ZNF831: variants seen among roughly 807,000 people sequenced by gnomAD.
The protein encoded by ZNF831 is zinc finger protein 831, also known as chromosome 20 open reading frame 174.
A neutral mutation model predicts 95.8 loss-of-function variants in ZNF831; 59 were observed. The observed-to-expected ratio is 0.62, with a 90% CI of 0.50 to 0.77. ZNF831 has a LOEUF of 0.77. Ranked by LOEUF, ZNF831 falls within the 30% of genes least tolerant of loss-of-function variation. ZNF831 has a pLI of 0.00. For synonymous variants in ZNF831, 961 were observed against 925.5 expected, an observed-to-expected ratio of 1.04 and a Z score of -0.70; for missense variants, 2,205 against 2,164.0, an observed-to-expected ratio of 1.02 and a Z score of -0.38.
chr20:59,225,903 G>T (rs1986393522), intron 4 of ZNF831, among the ~76,000 whole-genome samples: 1 of 152,230 alleles, frequency 6.6e-6, no homozygotes, highest in Non-Finnish European at 1.5e-5. Context: ...AAAGAGCCCA[G>T]GGTAGCTCCA....
rs1197360374 is a variant in ZNF831 at position 59,208,495 on chromosome 20, T to C, written c.4027+1439T>C. 6.6e-6 allele frequency among the ~76,000 whole-genome samples: 1 copy of C among 152,196 alleles called. No individual in the cohort carries two copies. The highest frequency in any genetic ancestry group is 2.4e-5 in the African/African-American group (1 of 41,452). On this transcript the variant is annotated intron_variant, in intron 4 of 5. Coordinates refer to ENST00000371030, the MANE Select transcript of ZNF831 (RefSeq NM_178457.3). This position sits in a 1 kb window ranked among gnomAD's most constrained non-coding sequence, Gnocchi z 4.2. ...CCCTGTGGATGCCCCTCGTCTCTCCTTAAGAGTTTTCCAATGTATAACCCA... is the reference window on the plus strand; with the variant it reads ...CCCTGTGGATGCCCCTCGTCTCTCCCTAAGAGTTTTCCAATGTATAACCCA...
chr20:59,202,904 TAA>T (rs1217800282), intron 3 of ZNF831, among the ~76,000 whole-genome samples: 2 of 152,264 alleles, frequency 1.3e-5, no homozygotes, highest in Admixed American at 6.5e-5. Flanking sequence ...AATTTAAATA[TAA>T]GTTTAAAAAA....
rs770873594 is a variant in ZNF831 at position 59,193,435 on chromosome 20, C to T, written c.2416C>T (p.Leu806=). 1 of 1,602,206 alleles carries T rather than the reference C, an allele frequency of 6.2e-7. No individual in the cohort carries two copies. The change falls in exon 2 of 6, where the codon CTG becomes TTG. Residue 806 remains leucine, a synonymous_variant. Transcript: ENST00000371030. The part of the protein sequence containing the change: ...QETCLWAQTV[L]RWPSRGSGED... Reference sequence around the variant, plus strand: ...GACCTGCCTGTGGGCCCAGACTGTCCTGAGATGGCCCAGCAGGGGCTCAGG... The same window carrying T: ...GACCTGCCTGTGGGCCCAGACTGTCTTGAGATGGCCCAGCAGGGGCTCAGG...
chr20:59,186,465 C>T (rs1427510999), intron 1 of ZNF831, among the ~76,000 whole-genome samples: 5 of 152,188 alleles, frequency 3.3e-5, no homozygotes, highest in Non-Finnish European at 7.3e-5. Flanking sequence ...CTGTGCTGGG[C>T]ACAGCACTTG....
intron 1 of ZNF831, among the ~76,000 whole-genome samples, chr20:59,171,105 C>T (rs1158830015): frequency 6.6e-6 from 1 of 152,168 alleles, no homozygotes; most frequent in East Asian, 1.9e-4. Context: ...TACTGCTGGG[C>T]TGAGGCTGCA....
Position 59,179,149 on chromosome 20 carries a change from A to G in ZNF831, c.-36-11835A>G, listed in dbSNP as rs550351990. Among the ~76,000 whole-genome samples the G allele has an allele frequency of 9.3e-4, 142 of 152,292 alleles. 1 individual carries two copies. The highest frequency in any genetic ancestry group is 1.9e-3 in the Non-Finnish European group (129 of 68,020). On this transcript the variant is annotated intron_variant, in intron 1 of 5. Coordinates refer to ENST00000371030, the MANE Select transcript of ZNF831 (RefSeq NM_178457.3). ...CATGGGAGGACCACAGTGGCTCAGG[A>G]CAGTGCAGCCCTGGGGCACCCACTG...
At chr20:59,219,912 G>A (rs62204015) in intron 4 of ZNF831, among the ~76,000 whole-genome samples, 14 of 152,094 alleles carry the variant, frequency 9.2e-5, no homozygotes, top group African/African-American at 3.4e-4. Flanking sequence ...TGGGTTCAGT[G>A]GGCAGGTGGG....
chr20:59,173,434 C>G (rs894504776), intron 1 of ZNF831, among the ~76,000 whole-genome samples: 1 of 152,124 alleles, frequency 6.6e-6, no homozygotes, highest in African/African-American at 2.4e-5. Context: ...ATTAATGGAC[C>G]TGAGCTTGTC....
intron 1 of ZNF831, among the ~76,000 whole-genome samples, chr20:59,175,594 C>T (rs1019103759): frequency 3.9e-5 from 6 of 151,906 alleles, no homozygotes; most frequent in Admixed American, 2.0e-4. Flanking sequence ...TCTATTATTT[C>T]CATGTAGTTC....
At chr20:59,151,963 G>A (rs957740140) in intron 2 of ZNF831, among the ~76,000 whole-genome samples, 1 of 152,188 alleles carries the variant, frequency 6.6e-6, no homozygotes, top group African/African-American at 2.4e-5. Flanking sequence ...CTCAGCCACA[G>A]GTTGTCTTTG....
chr20:59,177,976 C>T (rs962994832), intron 1 of ZNF831, among the ~76,000 whole-genome samples: 2 of 152,200 alleles, frequency 1.3e-5, no homozygotes, highest in African/African-American at 2.4e-5. Flanking sequence ...CTTCTCAGTA[C>T]CTCCAACTCA....
At position 59,194,565 on chromosome 20, in the gene ZNF831, G is replaced by T. The variant is rs764106008; in HGVS notation, c.3546G>T (p.Arg1182=). The change falls in exon 2 of 6, where the codon CGG becomes CGT. Residue 1182 remains arginine (R), a synonymous_variant. Coordinates refer to ENST00000371030, the MANE Select transcript of ZNF831 (RefSeq NM_178457.3). Reference sequence around the variant, plus strand: ...TTCCCTCACTGAAGGCTGAGCCGCGGCTCACGTGGTGTTGCCTGAGCCGCA... The same window carrying T: ...TTCCCTCACTGAAGGCTGAGCCGCGTCTCACGTGGTGTTGCCTGAGCCGCA... ...NPFPSLKAEP[R]LTWCCLSRSV... The T allele has an allele frequency of 6.2e-7, 1 of 1,607,070 alleles. No individual in the cohort carries two copies. The highest frequency in any genetic ancestry group is 1.7e-5 in the Admixed American group (1 of 59,332).
rs1300589217 is a variant in ZNF831 at position 59,193,292 on chromosome 20, G to C, written c.2273G>C (p.Gly758Ala). Reference sequence around the variant, plus strand: ...TCTCCAAATGGGAGGCTGGAACTGGGGTGGCAGATGCCCCCAGCACCTGGC... The same window carrying C: ...TCTCCAAATGGGAGGCTGGAACTGGCGTGGCAGATGCCCCCAGCACCTGGC... Reference protein sequence around the residue: ...LVSPNGRLELGWQMPPAPGPL... With the variant: ...LVSPNGRLELAWQMPPAPGPL... The change falls in exon 2 of 6, where the codon GGG (glycine) becomes GCG (alanine). Residue 758 changes from glycine (G) to alanine (A), a missense_variant. By Grantham distance (60) the Gly-to-Ala change is moderately conservative. Coordinates refer to ENST00000371030, the MANE Select transcript of ZNF831 (RefSeq NM_178457.3). 6.2e-7 allele frequency: 1 copy of C among 1,611,430 alleles called. No individual in the cohort carries two copies. Among genetic ancestry groups the C allele is most frequent in the Non-Finnish European group, 8.5e-7 (1 of 1,178,894 alleles).
At chr20:59,147,850 C>T (rs1033693016) in intron 2 of ZNF831, among the ~76,000 whole-genome samples, 22 of 152,220 alleles carry the variant, frequency 1.4e-4, no homozygotes, top group African/African-American at 5.1e-4. Flanking sequence ...GGCTGTAAAT[C>T]TGAAGAGCAG....
chr20:59,184,671 T>C (rs551918843), intron 1 of ZNF831, among the ~76,000 whole-genome samples: 1 of 152,212 alleles, frequency 6.6e-6, no homozygotes, highest in African/African-American at 2.4e-5. Context: ...ACACCAGCCA[T>C]CTTAGTACCC....
intron 1 of ZNF831, among the ~76,000 whole-genome samples, chr20:59,134,688 G>A (rs1158611803): frequency 3.3e-5 from 5 of 152,242 alleles, no homozygotes; most frequent in Non-Finnish European, 7.3e-5. Context: ...TAGACTGGCT[G>A]CGTGGTCCTT....
intron 4 of ZNF831, among the ~76,000 whole-genome samples, chr20:59,223,344 G>A (rs2146679238): frequency 6.6e-6 from 1 of 152,334 alleles, no homozygotes; most frequent in East Asian, 1.9e-4. Flanking sequence ...CGCTTGCCAA[G>A]TGTGTGCGAT....
intron 4 of ZNF831, among the ~76,000 whole-genome samples, chr20:59,243,236 C>T (rs908373076): frequency 2.0e-5 from 3 of 152,130 alleles, no homozygotes; most frequent in African/African-American, 7.2e-5. Flanking sequence ...CCCCCACTAA[C>T]ATAGTTTAGG....
intron 1 of ZNF831, among the ~76,000 whole-genome samples, chr20:59,171,546 G>A (rs990169148): frequency 6.6e-6 from 1 of 152,216 alleles, no homozygotes; most frequent in Non-Finnish European, 1.5e-5. Flanking sequence ...AGCAGATGCA[G>A]TCATTGTACT....
Sources: allele counts gnomAD v4.1 joint callset (sites outside exome capture counted in the v4.1 genomes callset), GRCh38; gene constraint gnomAD v4.1.1; non-coding constraint Gnocchi (gnomAD v3.1); transcripts MANE v1.5; gene names NCBI Gene and HGNC (gene_info 2026-07-23, HGNC 2026-07-21).